ATP8B4: variants seen among roughly 807,000 people sequenced by gnomAD.
ATP8B4 encodes the protein ATPase phospholipid transporting 8B4 (putative).
A neutral mutation model predicts 145.6 loss-of-function variants in ATP8B4; 133 were observed. The observed-to-expected ratio is 0.91, with a 90% CI of 0.79 to 1.05. ATP8B4 has a LOEUF of 1.05. ATP8B4 is among the 50% of genes least tolerant of loss of function. The probability of loss-of-function intolerance (pLI) is 0.00; values close to 1 mark genes in which losing one functional copy is unlikely to be tolerated. For missense variants in ATP8B4, 1,458 were observed against 1,425.2 expected (o/e 1.02, Z -0.37); for synonymous variants, 507 against 492.9 (o/e 1.03, Z -0.38).
rs555619252 is a variant in ATP8B4 at position 49,988,729 on chromosome 15, G to GA, written c.590-1181dup. On this transcript the variant is annotated intron_variant, in intron 9 of 27. Transcript: ENST00000284509. ...GCCTAGAGATCCTCTATATTACACT[G>GA]ACTCCATCCACTCTTCAAGCTGCCT... Among the ~76,000 whole-genome samples the GA allele has an allele frequency of 3.3e-5, 5 of 152,244 alleles. No homozygotes were observed. The South Asian group carries it at 1.0e-3, about 32-fold the overall frequency.
chr15:49,888,882 G>T lies in ATP8B4; in HGVS notation c.2697+8410C>A, dbSNP rs200108091. Among the ~76,000 whole-genome samples the T allele has an allele frequency of 3.9e-5, 6 of 152,196 alleles. No homozygotes were observed. The East Asian group carries it at 1.2e-3, about 29-fold the overall frequency. On this transcript the variant is annotated intron_variant, in intron 23 of 27. Coordinates refer to ENST00000284509, the MANE Select transcript of ATP8B4 (RefSeq NM_024837.4). ...TGAGTTGGAGCGTTTGCCAGCAGAA[G>T]GTGTCCTCAAGCTTCCAGATGATTC... is the stretch of plus-strand genomic sequence containing the variant.
chr15:49,898,137 C>T lies in ATP8B4; in HGVS notation c.2404G>A (p.Val802Met). Reference sequence around the variant, plus strand: ...GTAACAGCATTTCTGTACTTCTTCACCAGCTCTACCACTTGGGCTTTCTGG... The same window carrying T: ...GTAACAGCATTTCTGTACTTCTTCATCAGCTCTACCACTTGGGCTTTCTGG... ...PLQKAQVVEL[V>M]KKYRNAVTLA... The change falls in exon 22 of 28, where the codon GTG (valine) becomes ATG (methionine). Residue 802 changes from valine (V) to methionine (M), a missense_variant. Transcript: ENST00000284509. 1 of 1,613,938 alleles carries T rather than the reference C, an allele frequency of 6.2e-7. No individual in the cohort carries two copies. The highest frequency in any genetic ancestry group is 8.5e-7 in the Non-Finnish European group (1 of 1,179,888).
rs767914197 is a variant in ATP8B4 at position 49,866,346 on chromosome 15, C to T, written c.3166G>A (p.Gly1056Ser). Residue 1056 changes from glycine (G) to serine (S), a missense_variant and splice_region_variant, in exon 26 of 28, where the codon GGT (glycine) becomes AGT (serine). Transcript: ENST00000284509. ...CCACTAGTCAACATGACTCACTTAC[C>T]AACAAATGGAAACTGGTTTGGGAAG... ...GIFPNQFPFVGNARHSLTQKC... is the reference protein window; with the variant it reads ...GIFPNQFPFVSNARHSLTQKC... 20 of 1,613,492 alleles carry T rather than the reference C, an allele frequency of 1.2e-5. No individual in the cohort carries two copies. The highest frequency in any genetic ancestry group is 1.6e-5 in the Non-Finnish European group (19 of 1,179,694).
At chr15:49,947,880 T>C (rs1208106824) in intron 14 of ATP8B4, among the ~76,000 whole-genome samples, 4 of 131,680 alleles carry the variant, frequency 3.0e-5, no homozygotes, top group African/African-American at 8.7e-5. Context: ...AGGGAAAGGA[T>C]AGTCTTTTCA....
chr15:50,028,961 G>A (rs976266804), intron 6 of ATP8B4, among the ~76,000 whole-genome samples: 3 of 152,042 alleles, frequency 2.0e-5, no homozygotes, highest in South Asian at 2.1e-4. Context: ...TTGGCCGGGC[G>A]CAGTGGCTCA....
chr15:49,861,965 A>T (rs746264256), intron 27 of ATP8B4, among the ~76,000 whole-genome samples: 3 of 152,144 alleles, frequency 2.0e-5, no homozygotes, highest in Non-Finnish European at 2.9e-5. Flanking sequence ...GATGCCTGTG[A>T]TCTTCTTTTT....
intron 1 of ATP8B4, among the ~76,000 whole-genome samples, chr15:50,124,526 TC>T (rs1411743686): frequency 2.3e-4 from 35 of 152,170 alleles, no homozygotes; most frequent in African/African-American, 8.0e-4. Flanking sequence ...ACTTTTCTAC[TC>T]TACTAATAAA....
intron 2 of ATP8B4, among the ~76,000 whole-genome samples, chr15:50,080,840 G>A (rs986754322): frequency 3.3e-5 from 5 of 152,070 alleles, no homozygotes; most frequent in East Asian, 1.9e-4. Flanking sequence ...TGGGCCGGGC[G>A]CAGTGGCTCA....
At chr15:50,039,976 C>A (rs953023132) in intron 5 of ATP8B4, among the ~76,000 whole-genome samples, 1 of 152,160 alleles carries the variant, frequency 6.6e-6, no homozygotes, top group Admixed American at 6.5e-5. Flanking sequence ...TTAAGTCACA[C>A]GTCACCCATT....
At chr15:49,952,398 G>A (rs565907352) in intron 14 of ATP8B4, among the ~76,000 whole-genome samples, 39 of 151,938 alleles carry the variant, frequency 2.6e-4, no homozygotes, top group Admixed American at 1.4e-3. Flanking sequence ...CTTACTTTTC[G>A]TTCTTTTTTT....
chr15:50,092,983 A>G (rs1477819798), intron 2 of ATP8B4, among the ~76,000 whole-genome samples: 2 of 152,076 alleles, frequency 1.3e-5, no homozygotes, highest in Admixed American at 1.3e-4. Flanking sequence ...ATCTTCAAAA[A>G]AGTAATAATA....
chr15:50,177,305 A>G (rs922396503), intron 1 of ATP8B4, among the ~76,000 whole-genome samples: 1 of 152,230 alleles, frequency 6.6e-6, no homozygotes, highest in Admixed American at 6.5e-5. Flanking sequence ...TACTCAGCCA[A>G]TGCATGACAG....
intron 13 of ATP8B4, among the ~76,000 whole-genome samples, chr15:49,966,665 G>T (rs912516673): frequency 4.6e-5 from 7 of 152,192 alleles, no homozygotes; most frequent in African/African-American, 1.2e-4. Flanking sequence ...CAGCGCACCT[G>T]GGGGAAGGGG....
chr15:49,999,339 A>T (rs942014315), intron 8 of ATP8B4, among the ~76,000 whole-genome samples: 1 of 138,564 alleles, frequency 7.2e-6, no homozygotes, highest in Non-Finnish European at 1.5e-5. Flanking sequence ...AACAATGAGA[A>T]CACATGGACA....
intron 7 of ATP8B4, among the ~76,000 whole-genome samples, chr15:50,005,443 G>A (rs1326782680): frequency 1.3e-5 from 2 of 152,144 alleles, no homozygotes; most frequent in African/African-American, 4.8e-5. Flanking sequence ...TCTCATAATT[G>A]TGTCGTTTTA....
chr15:50,152,116 T>A (rs1366880357), intron 1 of ATP8B4, among the ~76,000 whole-genome samples: 1 of 152,120 alleles, frequency 6.6e-6, no homozygotes, highest in African/African-American at 2.4e-5. Context: ...TGAAAAAAAA[T>A]TATATTTAGT....
chr15:50,160,502 T>G (rs1321179433), intron 1 of ATP8B4, among the ~76,000 whole-genome samples: 1 of 152,038 alleles, frequency 6.6e-6, no homozygotes, highest in Non-Finnish European at 1.5e-5. Context: ...TCTACTTTTT[T>G]TAATGTAGAT....
At chr15:50,137,250 G>A (rs1291533100) in intron 1 of ATP8B4, among the ~76,000 whole-genome samples, 1 of 152,164 alleles carries the variant, frequency 6.6e-6, no homozygotes, top group African/African-American at 2.4e-5. Flanking sequence ...TACCCAAGTG[G>A]AGTTACCTAA....
intron 1 of ATP8B4, among the ~76,000 whole-genome samples, chr15:50,113,898 A>G (rs1199318798): frequency 6.7e-6 from 1 of 149,634 alleles, no homozygotes; most frequent in Non-Finnish European, 1.5e-5. Context: ...AACTACAGGT[A>G]TATGCAATTA....
Sources: allele counts gnomAD v4.1 joint callset (sites outside exome capture counted in the v4.1 genomes callset), GRCh38; gene constraint gnomAD v4.1.1; transcripts MANE v1.5; gene names NCBI Gene and HGNC (gene_info 2026-07-23, HGNC 2026-07-21).